Variants in CSN2 observed in about 807,000 individuals in gnomAD.
CSN2 encodes casein beta.
Under a neutral mutation model 27.3 loss-of-function variants are expected in CSN2, and 27 were observed. The observed-to-expected ratio is 0.99, with a 90% confidence interval of 0.73 to 1.36. The LOEUF is 1.36. CSN2 is among the 40% of genes most tolerant of loss of function. CSN2 has a pLI of 0.00. For synonymous variants in CSN2, 131 were observed against 94.8 expected, an observed-to-expected ratio of 1.38 and a Z score of -2.22; for missense variants, 333 against 264.5, an observed-to-expected ratio of 1.26 and a Z score of -1.80.
At chr4:69,964,634 T>C (rs1226577178) in intron 1 of CSN2, among the ~76,000 whole-genome samples, 2 of 151,418 alleles carry the variant, frequency 1.3e-5, no homozygotes, top group African/African-American at 4.8e-5. Context: ...TTCCCAAATT[T>C]TTATGTCAGG....
intron 1 of CSN2, among the ~76,000 whole-genome samples, chr4:69,965,447 C>CATATATATATATATATAT (rs1723775888): frequency 1.5e-5 from 1 of 65,632 alleles, no homozygotes; most frequent in African/African-American, 6.4e-5. Context: ...TATATATATG[C>CATATATATATATATATAT]ATAAAATTAG....
At chr4:69,958,247 T>C (rs1055707811) in intron 5 of CSN2, among the ~76,000 whole-genome samples, 1 of 152,118 alleles carries the variant, frequency 6.6e-6, no homozygotes, top group Non-Finnish European at 1.5e-5. Context: ...TTTGTTTTGG[T>C]TTGATGAAAA....
intron 1 of CSN2, among the ~76,000 whole-genome samples, chr4:69,963,505 C>T (rs1210586474): frequency 6.6e-6 from 1 of 151,862 alleles, no homozygotes; most frequent in Non-Finnish European, 1.5e-5. Flanking sequence ...CCAAACACCA[C>T]ATGTTCTCAC....
At chr4:69,959,924 T>C in intron 3 of CSN2, 129 bp downstream of exon 3, 2 of 714,822 alleles carry the variant, frequency 2.8e-6, no homozygotes, top group South Asian at 2.1e-5. Flanking sequence ...TAAACACACA[T>C]AAAAGAAATA....
intron 1 of CSN2, among the ~76,000 whole-genome samples, chr4:69,963,504 A>G (rs1257497793): frequency 3.3e-5 from 5 of 151,076 alleles, no homozygotes; most frequent in South Asian, 4.2e-4. Context: ...ACCAAACACC[A>G]CATGTTCTCA....
chr4:69,961,785 G>A (rs923333281), intron 1 of CSN2, among the ~76,000 whole-genome samples: 1 of 152,202 alleles, frequency 6.6e-6, no homozygotes. Flanking sequence ...AAAAGAGGAA[G>A]TCAAATTGTC....
At chr4:69,964,397 A>G (rs1331056511) in intron 1 of CSN2, among the ~76,000 whole-genome samples, 1 of 152,020 alleles carries the variant, frequency 6.6e-6, no homozygotes, top group Non-Finnish European at 1.5e-5. Context: ...CCACAATATT[A>G]CTCACCACTC....
intron 2 of CSN2, among the ~76,000 whole-genome samples, chr4:69,960,320 A>C (rs1306007157): frequency 4.6e-5 from 7 of 152,010 alleles, no homozygotes; most frequent in Admixed American, 1.3e-4. Context: ...TTTGAGAAAT[A>C]AAAAATGTTA....
chr4:69,963,508 G>A (rs1316174642), intron 1 of CSN2, among the ~76,000 whole-genome samples: 1 of 151,690 alleles, frequency 6.6e-6, no homozygotes, highest in African/African-American at 2.4e-5. Flanking sequence ...AACACCACAT[G>A]TTCTCACTCA....
chr4:69,958,022 A>G (rs1348921265), intron 5 of CSN2, among the ~76,000 whole-genome samples: 1 of 152,222 alleles, frequency 6.6e-6, no homozygotes, highest in Non-Finnish European at 1.5e-5. Context: ...GGGTAACTCC[A>G]CAGGCCAAAG....
chr4:69,956,400 G>C (rs1367618697), intron 6 of CSN2, 45 bp from the exon 7 acceptor site: 1 of 1,313,254 alleles, frequency 7.6e-7, no homozygotes, highest in African/African-American at 1.5e-5. Flanking sequence ...CTCTTAGTAA[G>C]AAAACTTGCC....
At chr4:69,956,194 TA>T in intron 7 of CSN2, 119 bp downstream of exon 7, 4 of 545,172 alleles carry the variant, frequency 7.3e-6, no homozygotes, top group East Asian at 4.1e-5. Flanking sequence ...TGATAATTAA[TA>T]AAAAAAGTTC....
At chr4:69,963,758 A>G (rs1423147264) in intron 1 of CSN2, among the ~76,000 whole-genome samples, 1 of 152,088 alleles carries the variant, frequency 6.6e-6, no homozygotes, top group Non-Finnish European at 1.5e-5. Context: ...CAAAAGACAA[A>G]TAAAATTTAA....
intron 3 of CSN2, among the ~76,000 whole-genome samples, chr4:69,959,644 A>C (rs1034112979): frequency 5.9e-5 from 9 of 152,020 alleles, no homozygotes; most frequent in African/African-American, 2.2e-4. Flanking sequence ...TCCTTTTTGC[A>C]CGTCTGCCTA....
At chr4:69,961,091 A>AT in intron 1 of CSN2, 84 bp from the exon 2 acceptor site, 2 of 850,052 alleles carry the variant, frequency 2.4e-6, no homozygotes, top group Non-Finnish European at 3.7e-6. Flanking sequence ...TTTTTATAAA[A>AT]CAAAAAAAAA....
intron 4 of CSN2, 44 bp from the exon 5 acceptor site, chr4:69,958,997 A>G: frequency 1.3e-6 from 2 of 1,552,556 alleles, no homozygotes; most frequent in South Asian, 2.3e-5. Context: ...ATCTGTAAAG[A>G]TTAAAAGGAG....
In CSN2 at chr4:69,955,356, G is replaced by A. The variant is rs867047081; in HGVS notation, c.*273C>T. On this transcript the variant is annotated 3_prime_UTR_variant, in exon 8 of 8. Transcript: ENST00000353151. ...AGAAACAATTTGTATACATATGTTTGATATGTTTGTAGCATTTCCAAATGA... is the reference window on the plus strand; with the variant it reads ...AGAAACAATTTGTATACATATGTTTAATATGTTTGTAGCATTTCCAAATGA... 6.6e-6 allele frequency: 1 copy of A among 152,472 alleles called. No homozygotes were observed. Among genetic ancestry groups the A allele is most frequent in the African/African-American group, 2.4e-5 (1 of 41,440 alleles). The allele number at this position is 152,472 out of a possible 1,614,324, so 9.4% of individuals were successfully genotyped here. A position where few individuals can be genotyped will look rare whatever the true frequency, so the allele number is the denominator to read the frequency against.
In CSN2 at chr4:69,960,195, G is replaced by A. The variant is rs1352835691; in HGVS notation, c.52-116C>T. On this transcript the variant is annotated intron_variant, in intron 2 of 7. Transcript: ENST00000353151. ...ATAATCTCACCTCAGAGGATGCATT[G>A]GATTGTTCCTTCTGAAAAGATGTTT... is the stretch of plus-strand genomic sequence containing the variant. 3.4e-6 allele frequency: 3 copies of A among 870,966 alleles called. No individual in the cohort carries two copies. The African/African-American group carries it at 5.2e-5, about 15-fold the overall frequency. 54.0% of individuals were successfully genotyped at this position (870,966 alleles called of 1,614,324 possible).
rs202159563 is a variant in CSN2, at chr4:69,957,418, C to G, written c.531G>C (p.Leu177=). Residue 177 remains leucine (L), a synonymous_variant, in exon 6 of 8, where the codon CTG becomes CTC. Coordinates refer to ENST00000353151, the MANE Select transcript of CSN2 (RefSeq NM_001891.4). ...PLWSVPQPKV[L]PIPQQVVPYP... Reference sequence around the variant, plus strand: ...AGGGCACCACTTGCTGGGGGATAGGCAGGACTTTGGGCTGAGGAACAGACC... The same window carrying G: ...AGGGCACCACTTGCTGGGGGATAGGGAGGACTTTGGGCTGAGGAACAGACC... 8 of 1,613,424 alleles carry G rather than the reference C, an allele frequency of 5.0e-6. No homozygotes were observed. Among genetic ancestry groups the G allele is most frequent in the African/African-American group, 4.0e-5 (3 of 74,926 alleles).
Sources: allele counts gnomAD v4.1 joint callset (sites outside exome capture counted in the v4.1 genomes callset), GRCh38; gene constraint gnomAD v4.1.1; transcripts MANE v1.5; gene names NCBI Gene and HGNC (gene_info 2026-07-23, HGNC 2026-07-21).